CYP4F2: variants seen among roughly 807,000 people sequenced by gnomAD.
The protein encoded by CYP4F2 is cytochrome P450 4F2.
Under a neutral mutation model 58.9 loss-of-function variants are expected in CYP4F2, and 58 were observed. That is an observed-to-expected ratio of 0.98 (90% CI 0.80 to 1.23). The LOEUF (loss-of-function observed/expected upper bound fraction) is 1.23, where lower values mean the gene tolerates loss of function less well. Among genes scored for constraint, CYP4F2 ranks in the 50% most tolerant of loss-of-function variants. The pLI is 0.00. For missense variants in CYP4F2, 616 were observed against 685.6 expected, an observed-to-expected ratio of 0.90 and a Z score of 1.13; for synonymous variants, 287 against 261.1, an observed-to-expected ratio of 1.10 and a Z score of -0.95.
At chr19:15,888,529 C>T (rs996705307) in intron 7 of CYP4F2, among the ~76,000 whole-genome samples, 2 of 151,392 alleles carry the variant, frequency 1.3e-5, no homozygotes, top group Admixed American at 6.6e-5. Context: ...CAGACACACA[C>T]GCACATAGAC....
At chr19:15,879,010 C>T in intron 12 of CYP4F2, 74 bp from the exon 13 acceptor site, 1 of 1,576,640 alleles carries the variant, frequency 6.3e-7, no homozygotes, top group East Asian at 2.2e-5. Flanking sequence ...GTAACCTGGC[C>T]TGGGACACCC....
At position 15,897,422 on chromosome 19, in the gene CYP4F2, G is replaced by T; in HGVS notation, c.190C>A (p.Gln64Lys). 6.2e-7 allele frequency: 1 copy of T among 1,612,732 alleles called. No individual in the cohort carries two copies. Among genetic ancestry groups the T allele is most frequent in the Non-Finnish European group, 8.5e-7 (1 of 1,179,542 alleles). ...PPRRNWFWGHQGMVNPTEEGM... is the reference protein window; with the variant it reads ...PPRRNWFWGHKGMVNPTEEGM... ...CCTGCTGCCACACTCACCATGCCCT[G>T]GTGTCCCCAAAACCAGTTCCGTCTT... The change falls in exon 2 of 13, where the codon CAG (glutamine) becomes AAG (lysine). Residue 64 changes from glutamine to lysine, a missense_variant. By Grantham distance (53) the Gln-to-Lys change is moderately conservative (BLOSUM62 1). Transcript: ENST00000221700.
At chr19:15,891,701 T>A (rs928148268) in intron 5 of CYP4F2, among the ~76,000 whole-genome samples, 1 of 152,182 alleles carries the variant, frequency 6.6e-6, no homozygotes, top group African/African-American at 2.4e-5. Flanking sequence ...CTTGGAACCC[T>A]GCCTGCATTG....
At chr19:15,882,268 A>C (rs187342282) in intron 9 of CYP4F2, among the ~76,000 whole-genome samples, 13 of 151,870 alleles carry the variant, frequency 8.6e-5, no homozygotes, top group Non-Finnish European at 1.8e-4. Context: ...AAAAGAAAGA[A>C]AGAAAAGAAA....
chr19:15,884,372 C>T (rs976967099), intron 9 of CYP4F2, among the ~76,000 whole-genome samples: 3 of 152,096 alleles, frequency 2.0e-5, no homozygotes, highest in Admixed American at 1.3e-4. Flanking sequence ...GATTAACGGG[C>T]ATAAATAAGA....
chr19:15,879,458 G>C, intron 11 of CYP4F2, 30 bp from the exon 12 acceptor site: 6 of 1,613,558 alleles, frequency 3.7e-6, no homozygotes, highest in Non-Finnish European at 5.1e-6. Flanking sequence ...GGGTTGTTGG[G>C]TGGGGTCTCC....
chr19:15,891,122 G>A (rs1204484884), intron 5 of CYP4F2, among the ~76,000 whole-genome samples: 1 of 152,174 alleles, frequency 6.6e-6, no homozygotes, highest in Non-Finnish European at 1.5e-5. Context: ...CCTTAACATG[G>A]AAAATTTCTC....
intron 8 of CYP4F2, 38 bp from the exon 9 acceptor site, chr19:15,886,091 C>T (rs758802956): frequency 1.2e-6 from 2 of 1,608,792 alleles, no homozygotes; most frequent in East Asian, 2.2e-5. Context: ...CTCTGGGCTG[C>T]TTCAGCACCC....
chr19:15,888,647 A>G (rs2089397571), intron 7 of CYP4F2, among the ~76,000 whole-genome samples: 1 of 152,240 alleles, frequency 6.6e-6, no homozygotes, highest in Non-Finnish European at 1.5e-5. Flanking sequence ...CAGACTTAGA[A>G]ACACAGACAC....
At chr19:15,892,279 C>A in intron 5 of CYP4F2, 30 bp downstream of exon 5, 1 of 1,613,880 alleles carries the variant, frequency 6.2e-7, no homozygotes. Context: ...CCCAAGGCTG[C>A]AAGTGGGACC....
chr19:15,896,530 G>T (rs1483135501), intron 2 of CYP4F2, among the ~76,000 whole-genome samples: 3 of 152,188 alleles, frequency 2.0e-5, no homozygotes, highest in Non-Finnish European at 2.9e-5. Flanking sequence ...TGTCCCTAAG[G>T]CTGGTCCCCA....
Position 15,890,118 on chromosome 19 carries a change from C to A in CYP4F2, c.647+194G>T, listed in dbSNP as rs4646501. ...AGTCAGTCCCCTACAGAGCTCTGAC[C>A]ACACCCACCAGTTCAAACCCCTTCA... On this transcript the variant is annotated intron_variant, in intron 6 of 12. Coordinates refer to ENST00000221700, the MANE Select transcript of CYP4F2 (RefSeq NM_001082.5). Among the ~76,000 whole-genome samples, 49 of 152,254 alleles carry A rather than the reference C, an allele frequency of 3.2e-4. No homozygotes were observed. The East Asian group carries it at 8.5e-3, about 26-fold the overall frequency.
intron 9 of CYP4F2, among the ~76,000 whole-genome samples, chr19:15,881,963 G>A (rs1698422094): frequency 6.6e-6 from 1 of 152,196 alleles, no homozygotes; most frequent in East Asian, 1.9e-4. Context: ...CAGGAGTGGA[G>A]GTCGGGCGCG....
intron 1 of CYP4F2, 28 bp from the exon 2 acceptor site, chr19:15,897,640 G>A: frequency 6.2e-7 from 1 of 1,611,130 alleles, no homozygotes; most frequent in South Asian, 1.1e-5. Context: ...TGGACGGTGA[G>A]ATCCTGAGGC....
chr19:15,886,562 T>C, intron 7 of CYP4F2: 2 of 428,814 alleles, frequency 4.7e-6, no homozygotes, highest in Non-Finnish European at 8.2e-6. Flanking sequence ...AATATTTTAA[T>C]GAAAAGTTTC....
Position 15,895,440 on chromosome 19 carries a change from G to A in CYP4F2, c.343+66C>T. Reference sequence around the variant, plus strand: ...GCCAGAGTACTGCAGGGCCCACACAGGAGCTTGGGGATAGCGGAAGTGCAG... The same window carrying A: ...GCCAGAGTACTGCAGGGCCCACACAAGAGCTTGGGGATAGCGGAAGTGCAG... On this transcript the variant is annotated intron_variant, in intron 3 of 12. Transcript: ENST00000221700. 4.1e-6 allele frequency: 6 copies of A among 1,452,090 alleles called. No homozygotes were observed. In the South Asian group the frequency reaches 9.4e-5, roughly 23 times the overall value. The allele number at this position is 1,452,090 out of a possible 1,614,324, so 90.0% of individuals were successfully genotyped here.
chr19:15,878,966 C>T (rs367663603), intron 12 of CYP4F2, 30 bp from the exon 13 acceptor site: 76 of 1,607,564 alleles, frequency 4.7e-5, no homozygotes, highest in Middle Eastern at 1.9e-4. Flanking sequence ...ACTCTGACTG[C>T]ACCCAGGAGC....
chr19:15,892,641 G>T, intron 3 of CYP4F2, 59 bp from the exon 4 acceptor site: 2 of 1,586,738 alleles, frequency 1.3e-6, no homozygotes, highest in Non-Finnish European at 8.6e-7. Flanking sequence ...GACTTTGGGG[G>T]TGGGTGGAGG....
chr19:15,892,057 T>C (rs1208129558), intron 5 of CYP4F2, among the ~76,000 whole-genome samples: 1 of 152,198 alleles, frequency 6.6e-6, no homozygotes, highest in Non-Finnish European at 1.5e-5. Flanking sequence ...TTACAGGGCT[T>C]TGGTGATGGA....
Sources: gnomAD v4.1 joint callset for allele counts (sites outside exome capture counted in the v4.1 genomes callset) on GRCh38, gnomAD v4.1.1 for gene constraint, MANE v1.5 for transcripts, NCBI Gene and HGNC (gene_info 2026-07-23, HGNC 2026-07-21) for gene names.